Variants in ZNF799 observed in about 807,000 individuals in gnomAD.
ZNF799 encodes the protein zinc finger protein 799.
A neutral mutation model predicts 41.0 loss-of-function variants in ZNF799; 28 were observed. The observed-to-expected ratio is 0.68, with a 90% confidence interval of 0.51 to 0.94. The LOEUF (loss-of-function observed/expected upper bound fraction) is 0.94, where lower values mean the gene tolerates loss of function less well. Among genes scored for constraint, ZNF799 ranks in the 40% least tolerant of loss-of-function variants. The probability of loss-of-function intolerance (pLI) is 0.00; values close to 1 mark genes in which losing one functional copy is unlikely to be tolerated. For missense variants in ZNF799, 716 were observed against 764.3 expected (o/e 0.94, Z 0.74); for synonymous variants, 213 against 252.9 (o/e 0.84, Z 1.50).
At chr19:12,396,641 C>A (rs1199531700) in intron 1 of ZNF799, among the ~76,000 whole-genome samples, 1 of 151,844 alleles carries the variant, frequency 6.6e-6, no homozygotes, top group Non-Finnish European at 1.5e-5. Context: ...AAGAGCGAAC[C>A]TCTGTCTCAA....
chr19:12,391,997 T>C lies in ZNF799; in HGVS notation c.401A>G (p.His134Arg). ...CGTATCTGGCTTCTCTCCACATTCATGATACTCATATGGTTTGTGCCCAGC... is the reference window on the plus strand; with the variant it reads ...CGTATCTGGCTTCTCTCCACATTCACGATACTCATATGGTTTGTGCCCAGC... ...VGAGHKPYEY[H>R]ECGEKPDTHK... The change falls in exon 4 of 4, where the codon CAT becomes CGT. Residue 134 changes from histidine (H) to arginine (R), a missense_variant. By Grantham distance (29) the His-to-Arg change is conservative. Transcript: ENST00000430385. The C allele has an allele frequency of 6.8e-6, 11 of 1,614,210 alleles. No homozygotes were observed. Among genetic ancestry groups the C allele is most frequent in the Non-Finnish European group, 9.3e-6 (11 of 1,180,026 alleles).
chr19:12,394,649 C>T (rs989786454), intron 1 of ZNF799: 38 of 985,180 alleles, frequency 3.9e-5, no homozygotes, highest in South Asian at 9.4e-5. Flanking sequence ...TTTTGAGTAA[C>T]GCCAAAGGGG....
At chr19:12,399,589 C>A (rs1248158733) in intron 1 of ZNF799, among the ~76,000 whole-genome samples, 3 of 148,952 alleles carry the variant, frequency 2.0e-5, no homozygotes, top group African/African-American at 7.8e-5. Context: ...GGAGGAGTGA[C>A]CCAGGGGATG....
At position 12,390,467 on chromosome 19, in the gene ZNF799, T is replaced by A. The variant is rs2006651; in HGVS notation, c.1931A>T (p.Ter644LeuextTer4). The change falls in exon 4 of 4, where the codon TAG becomes TTG. Residue 644 changes from the stop codon to leucine, a stop_lost. Transcript: ENST00000430385. ...SSLHRHKKTH[*>L] ...CATTCCATACATTTAGAGAGAATGC[T>A]AGTGAGTCTTTTTATGTCTATGCAA... The A allele has an allele frequency of 1.0e-4, 162 of 1,612,532 alleles. 1 individual carries two copies. The highest frequency in any genetic ancestry group is 8.4e-4 in the South Asian group (76 of 90,940).
chr19:12,401,379 A>C, upstream of ZNF799: 1 of 703,092 alleles, frequency 1.4e-6, no homozygotes. Context: ...GTGGAGCCAG[A>C]TGAGCAAGTT....
At chr19:12,394,794 T>C (rs1969871496) in intron 1 of ZNF799, 2 of 985,310 alleles carry the variant, frequency 2.0e-6, no homozygotes, top group Non-Finnish European at 2.4e-6. Flanking sequence ...CCAAATCTAA[T>C]AGAACTCACA....
Position 12,392,584 on chromosome 19 carries a change from T to C in ZNF799, c.191+19A>G, listed in dbSNP as rs757044366. The C allele has an allele frequency of 5.2e-5, 81 of 1,569,860 alleles. No individual in the cohort carries two copies. The highest frequency in any genetic ancestry group is 6.3e-5 in the Non-Finnish European group (72 of 1,143,698). ...GAACGGCTCCAGGGACATATCTTTCTCTTGTGAGTATAAATTACCTTAGAT... is the reference window on the plus strand; with the variant it reads ...GAACGGCTCCAGGGACATATCTTTCCCTTGTGAGTATAAATTACCTTAGAT... On this transcript the variant is annotated intron_variant, in intron 3 of 3. Coordinates refer to ENST00000430385, the MANE Select transcript of ZNF799 (RefSeq NM_001080821.3).
rs886946052 is a variant in ZNF799 at position 12,394,737 on chromosome 19, C to A, written c.4-1314G>T. ...CTCTCATGAATATTTATAATACTTA[C>A]TAAGAAACTAAAACAAATCTTTTAG... On this transcript the variant is annotated intron_variant, in intron 1 of 3. Transcript: ENST00000430385. 3.0e-6 allele frequency: 3 copies of A among 984,974 alleles called. No individual in the cohort carries two copies. In the Admixed American group the frequency reaches 1.8e-4, roughly 61 times the overall value. The allele number at this position is 984,974 out of a possible 1,614,324, so 61.0% of individuals were successfully genotyped here. A position where few individuals can be genotyped will look rare whatever the true frequency, so the allele number is the denominator to read the frequency against.
chr19:12,395,389 G>A (rs946737775), intron 1 of ZNF799, among the ~76,000 whole-genome samples: 2 of 152,058 alleles, frequency 1.3e-5, no homozygotes, highest in African/African-American at 4.8e-5. Flanking sequence ...TGATCCGCCT[G>A]CCTTAGCCTC....
At position 12,391,591 on chromosome 19, in the gene ZNF799, T is replaced by C. The variant is rs748823404; in HGVS notation, c.807A>G (p.Leu269=). The change falls in exon 4 of 4, where the codon CTA becomes CTG. Residue 269 remains leucine, a synonymous_variant. Transcript: ENST00000430385. ...TTCCAGTGTGAGTTCTTTCATGTCT[T>C]AGACAAGAACTGTAATCAGGGAAGG... The part of the protein sequence containing the change: ...SKAFPDYSSC[L]RHERTHTGKK... 6 of 1,614,046 alleles carry C rather than the reference T, an allele frequency of 3.7e-6. No individual in the cohort carries two copies. In the South Asian group the frequency reaches 4.4e-5, roughly 12 times the overall value.
At chr19:12,396,434 G>A (rs1377711450) in intron 1 of ZNF799, among the ~76,000 whole-genome samples, 1 of 152,256 alleles carries the variant, frequency 6.6e-6, no homozygotes. Context: ...TGGATCACCT[G>A]AGGCCAGGAG....
chr19:12,402,716 G>A (rs1290902390), upstream of ZNF799, among the ~76,000 whole-genome samples: 27 of 151,838 alleles, frequency 1.8e-4, no homozygotes, highest in Admixed American at 1.5e-3. Flanking sequence ...CCTTTATTCT[G>A]TTGAAATGAT....
chr19:12,393,341 T>C lies in ZNF799; in HGVS notation c.86A>G (p.Tyr29Cys), dbSNP rs2144892067. ...GATGGTTTCCTGCATCACATCTTTG[T>C]AGAGATTCTTCTGACAAGGACCCAG... ...ALLGPCQKNL[Y>C]KDVMQETIRN... The change falls in exon 2 of 4, where the codon TAC (tyrosine) becomes TGC (cysteine). Residue 29 changes from tyrosine (Y) to cysteine (C), a missense_variant. Physicochemically the swap from Tyr to Cys is radical, Grantham distance 194. Around this residue, in one of 2 missense-constraint regions of ZNF799, gnomAD observed 18 missense variants for 50.7 expected, o/e 0.36. Transcript: ENST00000430385. 9.6e-7 allele frequency: 1 copy of C among 1,046,558 alleles called. No individual in the cohort carries two copies. Among genetic ancestry groups the C allele is most frequent in the Non-Finnish European group, 1.4e-6 (1 of 701,034 alleles). 64.8% of individuals were successfully genotyped at this position (1,046,558 alleles called of 1,614,324 possible). A position where few individuals can be genotyped will look rare whatever the true frequency, so the allele number is the denominator to read the frequency against.
At chr19:12,402,414 TTC>T (rs1970002320), upstream of ZNF799, among the ~76,000 whole-genome samples, 1 of 91,872 alleles carries the variant, frequency 1.1e-5, no homozygotes, top group African/African-American at 6.0e-5. Flanking sequence ...TGCCCTTTAT[TTC>T]TTTTTTTTTT....
intron 1 of ZNF799, among the ~76,000 whole-genome samples, chr19:12,399,422 A>G (rs1381642361): frequency 1.3e-5 from 2 of 151,952 alleles, no homozygotes; most frequent in African/African-American, 2.4e-5. Flanking sequence ...CTGTTCAGTC[A>G]TGTGTCTCCA....
At chr19:12,400,693 G>A (rs1338789863) in intron 1 of ZNF799, 1 of 432,444 alleles carries the variant, frequency 2.3e-6, no homozygotes, top group Non-Finnish European at 4.1e-6. Flanking sequence ...CAGGGAGGCG[G>A]ATCTGGGGTG....
the ZNF799 span, among the ~76,000 whole-genome samples, chr19:12,412,719 C>T: frequency 5.9e-5 from 9 of 152,000 alleles, no homozygotes; most frequent in African/African-American, 1.2e-4. Context: ...TTCTGATCCA[C>T]GGCCCACATC....
intron 1 of ZNF799, among the ~76,000 whole-genome samples, chr19:12,397,582 GAAAGAAAGAAAGAAACA>G (rs1969915196): frequency 7.3e-6 from 1 of 136,180 alleles, no homozygotes; most frequent in Non-Finnish European, 1.6e-5. Context: ...AAAAAAAAAA[GAAAGAAAGAAAGAAACA>G]AAGAAACAAG....
chr19:12,410,780 G>A, the ZNF799 span, among the ~76,000 whole-genome samples: 3 of 152,228 alleles, frequency 2.0e-5, no homozygotes, highest in South Asian at 4.1e-4. Context: ...GTGACCATAA[G>A]GGACTATTCA....
Sources: gnomAD v4.1 joint callset for allele counts (sites outside exome capture counted in the v4.1 genomes callset) on GRCh38, gnomAD v4.1.1 for gene constraint, gnomAD v4.1.1 regional missense constraint, MANE v1.5 for transcripts, NCBI Gene and HGNC (gene_info 2026-07-23, HGNC 2026-07-21) for gene names.